Variants in NOP14 observed in about 807,000 individuals in gnomAD.
NOP14 encodes the protein nucleolar protein 14.
NOP14 carries 57 observed loss-of-function variants against 101.6 expected under a neutral mutation model. That is an observed-to-expected ratio of 0.56 (90% confidence interval 0.45 to 0.70). The LOEUF (loss-of-function observed/expected upper bound fraction) is 0.70. Among genes scored for constraint, NOP14 ranks in the 30% least tolerant of loss-of-function variants. The pLI, the probability that NOP14 is intolerant of heterozygous loss-of-function variation, is 0.00. For synonymous variants in NOP14, 428 were observed against 424.0 expected (o/e 1.01, Z -0.12); for missense variants, 1,134 against 1,075.5 (o/e 1.05, Z -0.76).
In NOP14 at chr4:2,938,106, C is replaced by G. The variant is rs150710427; in HGVS notation, c.*725G>C. ...GATAACACACAGACCATTCCCGATC[C>G]CAGAGGTGCATTTCAGGATTCATTC... is the stretch of plus-strand genomic sequence containing the variant. On this transcript the variant is annotated 3_prime_UTR_variant, in exon 18 of 18. Transcript: ENST00000416614. The G allele has an allele frequency of 3.1e-4, 304 of 992,770 alleles. No individual in the cohort carries two copies. In the African/African-American group the frequency reaches 4.0e-3, roughly 13 times the overall value. The allele number at this position is 992,770 out of a possible 1,614,324, so 61.5% of individuals were successfully genotyped here.
At position 2,953,634 on chromosome 4, in the gene NOP14, T is replaced by G. The variant is rs111987238; in HGVS notation, c.624A>C (p.Gln208His). The G allele has an allele frequency of 6.5e-4, 1,047 of 1,614,186 alleles. 8 individuals carry two copies. The African/African-American group carries it at 0.013, about 19-fold the overall frequency. Residue 208 changes from glutamine (Q) to histidine (H), a missense_variant, in exon 5 of 18, where the codon CAA becomes CAC. Physicochemically the swap from Gln to His is conservative, Grantham distance 24. Transcript: ENST00000416614. Reference protein sequence around the residue: ...AKSKQEKRERQAQREDALELT... With the variant: ...AKSKQEKRERHAQREDALELT... ...GCTCGAGGGCATCTTCTCGTTGAGC[T>G]TGTCTCTCCCTCTGGGGAAAAAATA... is the stretch of plus-strand genomic sequence containing the variant.
intron 5 of NOP14, 85 bp downstream of exon 5, chr4:2,953,426 C>A: frequency 2.7e-6 from 4 of 1,459,038 alleles, no homozygotes; most frequent in South Asian, 2.6e-5. Context: ...GGTAGAAGAG[C>A]CGTCCAGCCC....
chr4:2,947,722 G>T, intron 9 of NOP14, 111 bp from the exon 10 acceptor site: 1 of 822,882 alleles, frequency 1.2e-6, no homozygotes. Context: ...GGTGGGGCAG[G>T]GGAGCCCAGG....
At position 2,938,651 on chromosome 4, in the gene NOP14, G is replaced by A. The variant is rs553179669; in HGVS notation, c.*180C>T. Reference sequence around the variant, plus strand: ...CTCCCGAGTAGTTGGGACTACAGGTGCGTGCCACCACACTTGGCTAATTTT... The same window carrying A: ...CTCCCGAGTAGTTGGGACTACAGGTACGTGCCACCACACTTGGCTAATTTT... On this transcript the variant is annotated 3_prime_UTR_variant, in exon 18 of 18. Transcript: ENST00000416614. 2.1e-4 allele frequency: 126 copies of A among 588,424 alleles called. No individual in the cohort carries two copies. Among genetic ancestry groups the A allele is most frequent in the East Asian group, 2.6e-4 (9 of 34,576 alleles). The allele number at this position is 588,424 out of a possible 1,614,324, so 36.5% of individuals were successfully genotyped here. A position where few individuals can be genotyped will look rare whatever the true frequency, so the allele number is the denominator to read the frequency against.
chr4:2,960,505 A>G (rs959905096), intron 1 of NOP14, among the ~76,000 whole-genome samples: 2 of 152,006 alleles, frequency 1.3e-5, no homozygotes, highest in African/African-American at 4.8e-5. Flanking sequence ...TTCTTAAACT[A>G]TATAGATGTT....
rs1247234928 is a variant in NOP14 at position 2,946,455 on chromosome 4, A to G, written c.1592T>C (p.Met531Thr). 2 of 1,614,078 alleles carry G rather than the reference A, an allele frequency of 1.2e-6. No individual in the cohort carries two copies. The highest frequency in any genetic ancestry group is 1.7e-6 in the Non-Finnish European group (2 of 1,180,042). Residue 531 changes from methionine (M) to threonine (T), a missense_variant, in exon 11 of 18, where the codon ATG becomes ACG. Met to Thr is a moderately conservative substitution (Grantham distance 81). Coordinates refer to ENST00000416614, the MANE Select transcript of NOP14 (RefSeq NM_001291978.2). ...LRDAMHEMEE[M>T]IETKGRAALP... ...TGCCGCCCGGCCTTTGGTCTCAATC[A>G]TTTCTTCCATCTCATGCATCGCATC... is the stretch of plus-strand genomic sequence containing the variant.
chr4:2,942,323 C>T lies in NOP14; in HGVS notation c.1920G>A (p.Ala640=), dbSNP rs77265212. The change falls in exon 14 of 18, where the codon GCG becomes GCA. Residue 640 remains alanine, a synonymous_variant. Transcript: ENST00000416614. The part of the protein sequence containing the change: ...QGSTLVHPFR[A]LGKNSELLVV... ...CGAGCAGTTCCGAGTTCTTCCCAAG[C>T]GCTCTGAAAGGGTGCACCAGAGTGG... is the stretch of plus-strand genomic sequence containing the variant. 1.3e-3 allele frequency: 2,160 copies of T among 1,614,098 alleles called. 16 individuals are homozygous for T. The African/African-American group carries it at 0.023, about 17-fold the overall frequency.
chr4:2,944,046 G>A (rs895959818), intron 13 of NOP14, 27 bp downstream of exon 13: 2 of 1,575,620 alleles, frequency 1.3e-6, no homozygotes, highest in Admixed American at 1.9e-5. Flanking sequence ...TAACATATTT[G>A]TAGGAACCTC....
At chr4:2,962,992 A>T in intron 1 of NOP14, 133 bp downstream of exon 1, 1 of 892,028 alleles carries the variant, frequency 1.1e-6, no homozygotes, top group Non-Finnish European at 1.6e-6. Flanking sequence ...CGGACTATCA[A>T]GTCAGTGCCG....
intron 17 of NOP14, 83 bp downstream of exon 17, chr4:2,939,105 G>A (rs1713922799): frequency 6.3e-7 from 1 of 1,578,310 alleles, no homozygotes; most frequent in Non-Finnish European, 8.7e-7. Context: ...TGGGATGCCA[G>A]GTGCCCGGTG....
chr4:2,956,283 A>G (rs1213660686), intron 3 of NOP14, among the ~76,000 whole-genome samples: 1 of 152,220 alleles, frequency 6.6e-6, no homozygotes, highest in African/African-American at 2.4e-5. Flanking sequence ...TAGGGGGAGC[A>G]AAGTAGTGCA....
At chr4:2,950,310 T>C in intron 7 of NOP14, 97 bp from the exon 8 acceptor site, 1 of 1,330,776 alleles carries the variant, frequency 7.5e-7, no homozygotes, top group South Asian at 1.3e-5. Context: ...ATCAGGGCTT[T>C]CTACGTGGTT....
chr4:2,962,039 G>A (rs1715997218), intron 1 of NOP14, among the ~76,000 whole-genome samples: 1 of 152,324 alleles, frequency 6.6e-6, no homozygotes, highest in South Asian at 2.1e-4. Flanking sequence ...AGTTGCAAGA[G>A]GCGAAGCAAG....
At chr4:2,963,024 C>T (rs1407291507) in intron 1 of NOP14, 101 bp downstream of exon 1, 2 of 1,234,272 alleles carry the variant, frequency 1.6e-6, no homozygotes, top group African/African-American at 1.6e-5. Flanking sequence ...CGGCCTGTGC[C>T]GCTCAACGAG....
chr4:2,947,137 A>T, intron 10 of NOP14: 1 of 276,210 alleles, frequency 3.6e-6, no homozygotes, highest in Non-Finnish European at 6.9e-6. Context: ...ACTCCCTGGC[A>T]TGCAAAGCCA....
chr4:2,949,796 G>A, intron 8 of NOP14, 138 bp downstream of exon 8: 2 of 893,368 alleles, frequency 2.2e-6, no homozygotes, highest in Non-Finnish European at 3.5e-6. Flanking sequence ...AGACACAGGG[G>A]TGTGTCCAGG....
chr4:2,952,190 T>A, intron 6 of NOP14, 85 bp downstream of exon 6: 3 of 1,405,760 alleles, frequency 2.1e-6, no homozygotes, highest in Non-Finnish European at 2.9e-6. Context: ...CAGAGTATTC[T>A]CTTCAGCCCA....
At chr4:2,956,510 A>T (rs1213608379) in intron 3 of NOP14, among the ~76,000 whole-genome samples, 160 bp downstream of exon 3, 1 of 152,214 alleles carries the variant, frequency 6.6e-6, no homozygotes, top group Non-Finnish European at 1.5e-5. Context: ...ACAAAAATAC[A>T]TAAAAACTGT....
At chr4:2,959,924 C>T (rs1002858827) in intron 1 of NOP14, among the ~76,000 whole-genome samples, 9 of 151,796 alleles carry the variant, frequency 5.9e-5, no homozygotes, top group African/African-American at 1.9e-4. Context: ...CTGTACTGCT[C>T]GATGAACTCT....
Sources: allele counts gnomAD v4.1 joint callset (sites outside exome capture counted in the v4.1 genomes callset), GRCh38; gene constraint gnomAD v4.1.1; transcripts MANE v1.5; gene names NCBI Gene and HGNC (gene_info 2026-07-23, HGNC 2026-07-21).